LRCH2: variants seen among roughly 807,000 people sequenced by gnomAD.
LRCH2 encodes leucine-rich repeat and calponin homology domain-containing protein 2.
A neutral mutation model predicts 68.9 loss-of-function variants in LRCH2; 38 were observed. The observed-to-expected ratio is 0.55, with a 90% CI of 0.43 to 0.72. The LOEUF is 0.72. LRCH2 is among the 30% of genes least tolerant of loss of function. LRCH2 has a pLI of 0.00. For missense variants in LRCH2, 528 were observed against 572.9 expected, an observed-to-expected ratio of 0.92 and a Z score of 0.80; for synonymous variants, 191 against 208.1, an observed-to-expected ratio of 0.92 and a Z score of 0.71.
intron 1 of LRCH2, among the ~76,000 whole-genome samples, chrX:115,196,885 G>A (rs1000315509): frequency 4.5e-5 from 5 of 110,383 alleles, no homozygotes; most frequent in African/African-American, 1.7e-4. Context: ...GCCAACACAG[G>A]AGCCAGCATA....
At chrX:115,173,396 C>G (rs1412450877) in intron 5 of LRCH2, among the ~76,000 whole-genome samples, 2 of 111,647 alleles carry the variant, frequency 1.8e-5, no homozygotes, top group African/African-American at 3.3e-5. Flanking sequence ...GCCAACCCCT[C>G]GAGTAGAGAG....
chrX:115,212,236 C>T (rs1305970850), intron 1 of LRCH2, among the ~76,000 whole-genome samples: 1 of 111,635 alleles, frequency 9.0e-6, no homozygotes, highest in Non-Finnish European at 1.9e-5. Context: ...GTTCCCCGTA[C>T]TCCCCAAAAT....
At chrX:115,137,181 G>T (rs2072297339) in intron 14 of LRCH2, among the ~76,000 whole-genome samples, 1 of 111,186 alleles carries the variant, frequency 9.0e-6, no homozygotes, top group South Asian at 3.8e-4. Flanking sequence ...TGAGAAAGGA[G>T]GACCATTAAT....
chrX:115,173,308 C>T (rs58390101), intron 5 of LRCH2, among the ~76,000 whole-genome samples: 2,873 of 111,248 alleles, frequency 0.026, 90 homozygotes, highest in African/African-American at 0.088. Context: ...CTCGATAAGC[C>T]GGGGAAGTTC....
intron 14 of LRCH2, among the ~76,000 whole-genome samples, chrX:115,141,004 G>A (rs782076779): frequency 2.5e-4 from 27 of 109,717 alleles, no homozygotes; most frequent in African/African-American, 7.3e-4. Flanking sequence ...AGGCCGAGAG[G>A]GGTGGATCAC....
chrX:115,140,333 C>T (rs923331492), intron 14 of LRCH2, among the ~76,000 whole-genome samples: 19 of 111,607 alleles, frequency 1.7e-4, no homozygotes, highest in African/African-American at 6.2e-4. Flanking sequence ...ATGAAAGAGC[C>T]CTTGGGCCCT....
chrX:115,113,269 G>A lies in LRCH2; in HGVS notation c.2245C>T (p.Gln749Ter). 1 of 1,197,513 alleles carries A rather than the reference G, an allele frequency of 8.4e-7. No individual in the cohort carries two copies. The highest frequency in any genetic ancestry group is 1.1e-6 in the Non-Finnish European group (1 of 886,111). Reference protein sequence around the residue: ...RGLVKVGVTVQALLELPTTKA... With the variant: ...RGLVKVGVTV Reference sequence around the variant, plus strand: ...GTTGTTGGTAATTCAAGGAGCGCCTGAACTGTGACACCAACTTTCACAAGT... The same window carrying A: ...GTTGTTGGTAATTCAAGGAGCGCCTAAACTGTGACACCAACTTTCACAAGT... Residue 749 changes from glutamine (Q) to a stop codon, truncating the protein, a stop_gained, in exon 21 of 21, where the codon CAG becomes TAG. Coordinates refer to ENST00000317135, the MANE Select transcript of LRCH2 (RefSeq NM_020871.4). LOFTEE classifies it high-confidence loss of function.
chrX:115,222,124 T>C (rs1050751888), intron 1 of LRCH2, among the ~76,000 whole-genome samples: 2 of 111,107 alleles, frequency 1.8e-5, no homozygotes, highest in Non-Finnish European at 3.8e-5. Flanking sequence ...CAATATTATA[T>C]ACCATGTTAA....
At chrX:115,160,429 T>C (rs1278583183) in intron 11 of LRCH2, among the ~76,000 whole-genome samples, 1 of 112,311 alleles carries the variant, frequency 8.9e-6, no homozygotes, top group African/African-American at 3.2e-5. Context: ...GTTTTTTAAT[T>C]ACCTCTAGTT....
chrX:115,195,567 GA>G (rs2072881282), intron 1 of LRCH2, among the ~76,000 whole-genome samples: 1 of 110,987 alleles, frequency 9.0e-6, no homozygotes, highest in South Asian at 3.8e-4. Flanking sequence ...CATCCACTTA[GA>G]AAAACCAAAG....
At chrX:115,123,827 CT>C in intron 17 of LRCH2, 117 bp downstream of exon 17, 1 of 398,390 alleles carries the variant, frequency 2.5e-6, no homozygotes, top group Non-Finnish European at 4.1e-6. Context: ...GAGAAAATTG[CT>C]TTTAGGAGAG....
intron 14 of LRCH2, chrX:115,138,970 A>G (rs781883082): frequency 1.8e-5 from 2 of 111,865 alleles, no homozygotes; most frequent in African/African-American, 6.5e-5. Context: ...CCAGAAAAAC[A>G]GAAAGGTCAG....
At chrX:115,192,410 T>G in intron 1 of LRCH2, 1 of 1,165,699 alleles carries the variant, frequency 8.6e-7, no homozygotes, top group Non-Finnish European at 1.1e-6. Context: ...CAGGGCAGCT[T>G]GCCTGACGCC....
chrX:115,189,576 C>A lies in LRCH2; in HGVS notation c.350-1206G>T, dbSNP rs2072764310. On this transcript the variant is annotated intron_variant, in intron 1 of 20. Coordinates refer to ENST00000317135, the MANE Select transcript of LRCH2 (RefSeq NM_020871.4). Reference sequence around the variant, plus strand: ...TGTTCCTGATGAAAGACCGAAAAACCAACAAGTCGAGGGGCTTCGCGTTCG... The same window carrying A: ...TGTTCCTGATGAAAGACCGAAAAACAAACAAGTCGAGGGGCTTCGCGTTCG... The A allele has an allele frequency of 4.3e-6, 5 of 1,172,989 alleles. No individual in the cohort carries two copies. In the South Asian group the frequency reaches 9.4e-5, roughly 22 times the overall value.
intron 14 of LRCH2, among the ~76,000 whole-genome samples, chrX:115,141,139 G>A (rs1411766395): frequency 3.7e-5 from 4 of 108,003 alleles, no homozygotes; most frequent in Non-Finnish European, 7.7e-5. Context: ...TCTGGAGGCT[G>A]AGGCGGGAGA....
chrX:115,132,757 TA>T (rs781812391), intron 14 of LRCH2, among the ~76,000 whole-genome samples: 1 of 111,810 alleles, frequency 8.9e-6, no homozygotes, highest in Non-Finnish European at 1.9e-5. Flanking sequence ...AAATCCTATT[TA>T]TCAGGCAAGA....
intron 3 of LRCH2, among the ~76,000 whole-genome samples, chrX:115,180,981 G>A (rs1036318404): frequency 9.0e-6 from 1 of 111,329 alleles, no homozygotes; most frequent in African/African-American, 3.3e-5. Context: ...TAACAGGGTA[G>A]GAAAATGGCT....
At chrX:115,158,983 A>C (rs2072495848) in intron 11 of LRCH2, among the ~76,000 whole-genome samples, 1 of 111,766 alleles carries the variant, frequency 8.9e-6, no homozygotes, top group Non-Finnish European at 1.9e-5. Flanking sequence ...TTAATAATAC[A>C]TATCAACTTT....
At chrX:115,179,273 A>G (rs1331704123) in intron 5 of LRCH2, among the ~76,000 whole-genome samples, 154 bp downstream of exon 5, 1 of 112,556 alleles carries the variant, frequency 8.9e-6, no homozygotes, top group Non-Finnish European at 1.9e-5. Flanking sequence ...AACTCCTACC[A>G]AAGTGCAAAA....
Sources: gnomAD v4.1 joint callset for allele counts (sites outside exome capture counted in the v4.1 genomes callset) on GRCh38, gnomAD v4.1.1 for gene constraint, MANE v1.5 for transcripts, NCBI Gene and HGNC (gene_info 2026-07-23, HGNC 2026-07-21) for gene names.